The following PRKN variants were observed in gnomAD, a reference collection of about 807,000 sequenced individuals.
PRKN encodes parkin RBR E3 ubiquitin protein ligase.
PRKN carries 56 observed loss-of-function variants against 59.5 expected under a neutral mutation model. The observed-to-expected ratio is 0.94, with a 90% CI of 0.76 to 1.18. PRKN has a LOEUF of 1.18. PRKN is among the 50% of genes most tolerant of loss of function. The probability of loss-of-function intolerance (pLI) is 0.00; values close to 1 mark genes in which losing one functional copy is unlikely to be tolerated. For synonymous variants in PRKN, 250 were observed against 222.1 expected (o/e 1.13, Z -1.12); for missense variants, 657 against 596.4 (o/e 1.10, Z -1.06).
chr6:161,799,306 G>T (rs1039994277), intron 6 of PRKN, among the ~76,000 whole-genome samples: 1 of 152,208 alleles, frequency 6.6e-6, no homozygotes, highest in Admixed American at 6.5e-5. Flanking sequence ...CTGACAGTTT[G>T]ACTCAAGGAA....
At chr6:161,696,799 A>G (rs1786040738) in intron 7 of PRKN, among the ~76,000 whole-genome samples, 1 of 152,252 alleles carries the variant, frequency 6.6e-6, no homozygotes, top group Admixed American at 6.5e-5. Flanking sequence ...ACACAAATGC[A>G]CTACTACTTT....
intron 2 of PRKN, among the ~76,000 whole-genome samples, chr6:162,340,784 C>T (rs1205306081): frequency 2.0e-5 from 3 of 151,822 alleles, no homozygotes; most frequent in South Asian, 4.2e-4. Context: ...TAACTCAAGA[C>T]CTAAACGTTA....
chr6:161,538,850 A>T lies in PRKN; in HGVS notation c.1083+10004T>A, dbSNP rs1340956014. Among the ~76,000 whole-genome samples the T allele has an allele frequency of 6.6e-6, 1 of 152,196 alleles. No individual in the cohort carries two copies. Among genetic ancestry groups the T allele is most frequent in the Non-Finnish European group, 1.5e-5 (1 of 68,032 alleles). On this transcript the variant is annotated intron_variant, in intron 9 of 11. Coordinates refer to ENST00000366898, the MANE Select transcript of PRKN (RefSeq NM_004562.3). The surrounding 1 kb of genome is among the most constrained non-coding windows in gnomAD (Gnocchi z 4.2). ...CAGTGGAATGTTGGACAAGCGAGAG[A>T]AATGCCTGTCACTCTAGTCCTGAGT...
At chr6:162,053,396 C>T (rs79152317) in intron 5 of PRKN, among the ~76,000 whole-genome samples, 3,613 of 152,162 alleles carry the variant, frequency 0.024, 129 homozygotes, top group African/African-American at 0.083. Context: ...AGTTAGATTA[C>T]GACGGAGCCA....
intron 1 of PRKN, among the ~76,000 whole-genome samples, chr6:162,483,168 C>T (rs1459731427): frequency 6.6e-6 from 1 of 152,132 alleles, no homozygotes; most frequent in Non-Finnish European, 1.5e-5. Flanking sequence ...AATTTATCTG[C>T]CATATGCACA....
chr6:161,723,608 C>T (rs116679918), intron 7 of PRKN, among the ~76,000 whole-genome samples: 5 of 152,128 alleles, frequency 3.3e-5, no homozygotes, highest in Non-Finnish European at 4.4e-5. Flanking sequence ...GAAAGAAAGA[C>T]AGACACTTTC....
At chr6:161,558,169 G>A (rs552407369) in intron 8 of PRKN, among the ~76,000 whole-genome samples, 6 of 152,096 alleles carry the variant, frequency 3.9e-5, no homozygotes, top group Non-Finnish European at 8.8e-5. Context: ...CATCCACACA[G>A]GCAGAGAACC....
intron 4 of PRKN, among the ~76,000 whole-genome samples, chr6:162,158,149 A>T (rs1184639309): frequency 3.3e-5 from 5 of 152,010 alleles, no homozygotes; most frequent in African/African-American, 1.2e-4. Flanking sequence ...AATAATGAAA[A>T]TTTTAAAAAG....
At chr6:162,697,513 A>G (rs938661829) in intron 1 of PRKN, among the ~76,000 whole-genome samples, 1 of 152,212 alleles carries the variant, frequency 6.6e-6, no homozygotes, top group African/African-American at 2.4e-5. Flanking sequence ...ATCCTGTATT[A>G]ATGTGTTTAT....
At chr6:162,507,778 C>G (rs1014686377) in intron 1 of PRKN, among the ~76,000 whole-genome samples, 1 of 152,188 alleles carries the variant, frequency 6.6e-6, no homozygotes, top group East Asian at 1.9e-4. Context: ...CGAAGATCAC[C>G]TCTATCTACT....
chr6:162,450,890 C>T (rs533354291), intron 1 of PRKN, among the ~76,000 whole-genome samples: 173 of 152,210 alleles, frequency 1.1e-3, no homozygotes, highest in Admixed American at 2.7e-3. Context: ...TATCAGCATT[C>T]TTTCATTAAT....
chr6:161,989,627 C>T (rs1252778586), intron 5 of PRKN, among the ~76,000 whole-genome samples: 1 of 152,170 alleles, frequency 6.6e-6, no homozygotes, highest in East Asian at 1.9e-4. Context: ...CACCCACACA[C>T]ACTATTGGGG....
chr6:161,996,193 CAT>C (rs1554258749), intron 5 of PRKN, among the ~76,000 whole-genome samples: 1 of 151,902 alleles, frequency 6.6e-6, no homozygotes, highest in Non-Finnish European at 1.5e-5. Flanking sequence ...CACACACACA[CAT>C]ACACACGAGT....
intron 6 of PRKN, among the ~76,000 whole-genome samples, chr6:161,871,063 G>C (rs1366780708): frequency 1.4e-5 from 1 of 69,670 alleles, no homozygotes; most frequent in Non-Finnish European, 2.8e-5. Context: ...GAGAGAGAGA[G>C]AGAAAATAAG....
intron 1 of PRKN, among the ~76,000 whole-genome samples, chr6:162,720,466 C>T (rs1282213246): frequency 2.6e-5 from 3 of 115,728 alleles, no homozygotes; most frequent in East Asian, 2.6e-4. Context: ...TTTTTTGAGA[C>T]GGAGTCTCGC....
intron 2 of PRKN, among the ~76,000 whole-genome samples, chr6:162,413,174 A>G (rs1273101187): frequency 6.6e-6 from 1 of 152,164 alleles, no homozygotes; most frequent in Non-Finnish European, 1.5e-5. Flanking sequence ...TGCCTATATA[A>G]TTGGCTTTAA....
chr6:162,257,065 C>T (rs1779666834), intron 3 of PRKN, among the ~76,000 whole-genome samples: 1 of 152,224 alleles, frequency 6.6e-6, no homozygotes, highest in Admixed American at 6.5e-5. Context: ...CCAGCCTCAG[C>T]CTGTGCTGCC....
intron 1 of PRKN, among the ~76,000 whole-genome samples, chr6:162,491,971 C>T (rs1792837019): frequency 6.6e-6 from 1 of 152,202 alleles, no homozygotes; most frequent in Non-Finnish European, 1.5e-5. Context: ...CTCGGTGCCT[C>T]TGCTGTCTCT....
rs562241451 is a variant in PRKN at position 161,982,258 on chromosome 6, G to C, written c.619-8841C>G. Among the ~76,000 whole-genome samples, 24 of 149,078 alleles carry C rather than the reference G, an allele frequency of 1.6e-4. 2 individuals carry two copies. Among genetic ancestry groups the C allele is most frequent in the South Asian group, 1.3e-3 (6 of 4,764 alleles). The stretch of plus-strand genomic sequence containing the variant: ...CACTGCTCAAGGAAATAAAAGAGGA[G>C]ACAAACAAATGGAAGAACATTCCAT... On this transcript the variant is annotated intron_variant, in intron 5 of 11. Coordinates refer to ENST00000366898, the MANE Select transcript of PRKN (RefSeq NM_004562.3).
Sources: gnomAD v4.1 joint callset for allele counts (sites outside exome capture counted in the v4.1 genomes callset) on GRCh38, gnomAD v4.1.1 for gene constraint, Gnocchi (gnomAD v3.1) non-coding constraint, MANE v1.5 for transcripts, NCBI Gene and HGNC (gene_info 2026-07-23, HGNC 2026-07-21) for gene names.